The following KCTD16 variants were observed in gnomAD, a reference collection of about 807,000 sequenced individuals.
KCTD16 encodes potassium channel tetramerization domain containing 16, also known as BTB/POZ domain-containing protein KCTD16.
A neutral mutation model predicts 33.2 loss-of-function variants in KCTD16; 13 were observed. The observed-to-expected ratio is 0.39, with a 90% CI of 0.25 to 0.62. The LOEUF (loss-of-function observed/expected upper bound fraction) is 0.62. KCTD16 is among the 20% of genes least tolerant of loss of function. The pLI is 0.50. For synonymous variants in KCTD16, 197 were observed against 195.3 expected (o/e 1.01, Z -0.07); for missense variants, 441 against 525.1 (o/e 0.84, Z 1.57).
intron 3 of KCTD16, among the ~76,000 whole-genome samples, chr5:144,264,959 A>C (rs1385601434): frequency 1.3e-5 from 2 of 152,244 alleles, no homozygotes; most frequent in African/African-American, 4.8e-5. Context: ...AGATAAGTGC[A>C]ACAGAAATGA....
chr5:144,308,576 C>T (rs1751672529), intron 3 of KCTD16, among the ~76,000 whole-genome samples: 1 of 152,172 alleles, frequency 6.6e-6, no homozygotes, highest in Admixed American at 6.5e-5. Context: ...TGATGAATCC[C>T]ATCCTATGCT....
At chr5:144,440,940 C>A (rs1753692303) in intron 3 of KCTD16, among the ~76,000 whole-genome samples, 1 of 146,562 alleles carries the variant, frequency 6.8e-6, no homozygotes, top group Non-Finnish European at 1.5e-5. Context: ...CTTCCTGTGT[C>A]CATGTGTTCT....
intron 3 of KCTD16, among the ~76,000 whole-genome samples, chr5:144,300,186 A>T (rs1206068633): frequency 6.6e-6 from 1 of 152,182 alleles, no homozygotes; most frequent in Non-Finnish European, 1.5e-5. Flanking sequence ...AAGAGCATTG[A>T]ATCAAAAGAG....
intron 3 of KCTD16, among the ~76,000 whole-genome samples, chr5:144,366,556 T>C (rs1297025553): frequency 6.6e-6 from 1 of 152,186 alleles, no homozygotes; most frequent in African/African-American, 2.4e-5. Context: ...AGCCATTTGC[T>C]AACTCTATGT....
intron 3 of KCTD16, among the ~76,000 whole-genome samples, chr5:144,337,587 T>A (rs774685611): frequency 1.3e-5 from 2 of 152,254 alleles, no homozygotes; most frequent in African/African-American, 2.4e-5. Context: ...ATATTTGGTG[T>A]CTATGGGTTT....
chr5:144,345,948 C>CT, intron 3 of KCTD16, among the ~76,000 whole-genome samples: 1 of 140,860 alleles, frequency 7.1e-6, no homozygotes, highest in Non-Finnish European at 1.5e-5. Flanking sequence ...AGGTCTTATT[C>CT]ATTCTATTTT....
intron 3 of KCTD16, among the ~76,000 whole-genome samples, chr5:144,327,041 T>C (rs1195007352): frequency 1.3e-5 from 2 of 152,144 alleles, no homozygotes; most frequent in Admixed American, 6.6e-5. Context: ...AACGATCCAT[T>C]TGGAACTTAT....
intron 3 of KCTD16, among the ~76,000 whole-genome samples, chr5:144,395,129 C>A (rs967005213): frequency 6.6e-6 from 1 of 152,142 alleles, no homozygotes; most frequent in Admixed American, 6.5e-5. Flanking sequence ...ATTTTAGAAG[C>A]CCTCCATGTG....
chr5:144,339,032 G>T (rs1246166850), intron 3 of KCTD16, among the ~76,000 whole-genome samples: 1 of 139,774 alleles, frequency 7.2e-6, no homozygotes, highest in Admixed American at 7.1e-5. Context: ...TTGTTCCAGA[G>T]AAATGCTTTG....
intron 3 of KCTD16, among the ~76,000 whole-genome samples, chr5:144,334,567 C>T (rs1484895712): frequency 6.6e-6 from 1 of 152,046 alleles, no homozygotes; most frequent in African/African-American, 2.4e-5. Flanking sequence ...TGAGTGTGTG[C>T]TATGTGCCAG....
intron 2 of KCTD16, among the ~76,000 whole-genome samples, chr5:144,203,054 AT>A (rs1219000821): frequency 6.6e-6 from 1 of 152,164 alleles, no homozygotes; most frequent in African/African-American, 2.4e-5. Flanking sequence ...TTGTGGATTC[AT>A]TTCCTAGGTT....
At chr5:144,316,395 C>G (rs765431445) in intron 3 of KCTD16, among the ~76,000 whole-genome samples, 1 of 152,054 alleles carries the variant, frequency 6.6e-6, no homozygotes, top group Non-Finnish European at 1.5e-5. Flanking sequence ...AGTCATTTGC[C>G]AAAGAGAACT....
chr5:144,381,628 C>A (rs1250003863), intron 3 of KCTD16, among the ~76,000 whole-genome samples: 2 of 152,044 alleles, frequency 1.3e-5, no homozygotes, highest in African/African-American at 2.4e-5. Context: ...CACTTTTGAA[C>A]CACCAGATCT....
At chr5:144,370,104 G>C (rs924737240) in intron 3 of KCTD16, among the ~76,000 whole-genome samples, 7 of 152,216 alleles carry the variant, frequency 4.6e-5, no homozygotes, top group African/African-American at 1.7e-4. Flanking sequence ...GGGAATCTCT[G>C]CTTTAATGTG....
rs1330880301 is a variant in KCTD16 at position 144,475,840 on chromosome 5, C to A, written c.*1726C>A. 1 of 152,402 alleles carries A rather than the reference C, an allele frequency of 6.6e-6. No homozygotes were observed. Among genetic ancestry groups the A allele is most frequent in the Non-Finnish European group, 1.5e-5 (1 of 68,014 alleles). 9.4% of individuals were successfully genotyped at this position (152,402 alleles called of 1,614,324 possible). ...TTAGTGATGATTAGTATATGAATATCTTTCTGAATTTTTGTAATTCTCGCC... is the reference window on the plus strand; with the variant it reads ...TTAGTGATGATTAGTATATGAATATATTTCTGAATTTTTGTAATTCTCGCC... On this transcript the variant is annotated 3_prime_UTR_variant, in exon 4 of 4. Coordinates refer to ENST00000512467, the MANE Select transcript of KCTD16 (RefSeq NM_020768.4).
In KCTD16 at chr5:144,417,683, T is replaced by A. The variant is rs566640928; in HGVS notation, c.833-55977T>A. Among the ~76,000 whole-genome samples, 57 of 152,314 alleles carry A rather than the reference T, an allele frequency of 3.7e-4. 1 individual carries two copies. Among genetic ancestry groups the A allele is most frequent in the South Asian group, 1.0e-3 (5 of 4,820 alleles). ...GTCATATCCATTACCAAACCCAAGG[T>A]CATGGAGATTTAGTTCTATGCTTTT... On this transcript the variant is annotated intron_variant, in intron 3 of 3. Transcript: ENST00000512467.
At chr5:144,417,870 C>A (rs927639336) in intron 3 of KCTD16, among the ~76,000 whole-genome samples, 9 of 152,002 alleles carry the variant, frequency 5.9e-5, no homozygotes, top group African/African-American at 2.2e-4. Context: ...TTGGTTCCTT[C>A]CTGTGGATTC....
rs979213251 is a variant in KCTD16 at position 144,474,195 on chromosome 5, A to G, written c.*81A>G. On this transcript the variant is annotated 3_prime_UTR_variant, in exon 4 of 4. Coordinates refer to ENST00000512467, the MANE Select transcript of KCTD16 (RefSeq NM_020768.4). Reference sequence around the variant, plus strand: ...AAAAGGAATTCATATTTTAAAGGAAAAAAATACAACTAATGATGCACATTT... The same window carrying G: ...AAAAGGAATTCATATTTTAAAGGAAGAAAATACAACTAATGATGCACATTT... The G allele has an allele frequency of 3.6e-5, 40 of 1,101,686 alleles. No homozygotes were observed. The African/African-American group carries it at 5.2e-4, about 14-fold the overall frequency. The allele number at this position is 1,101,686 out of a possible 1,614,324, so 68.2% of individuals were successfully genotyped here. A position where few individuals can be genotyped will look rare whatever the true frequency, so the allele number is the denominator to read the frequency against.
chr5:144,446,245 C>A (rs756577600), intron 3 of KCTD16, among the ~76,000 whole-genome samples: 51 of 151,884 alleles, frequency 3.4e-4, no homozygotes, highest in Admixed American at 9.9e-4. Flanking sequence ...CCATTTCCCC[C>A]AAAATCCTAC....
Sources: gnomAD v4.1 joint callset for allele counts (sites outside exome capture counted in the v4.1 genomes callset) on GRCh38, gnomAD v4.1.1 for gene constraint, MANE v1.5 for transcripts, NCBI Gene and HGNC (gene_info 2026-07-23, HGNC 2026-07-21) for gene names.